Variants in ATP6V1H observed in about 807,000 individuals in gnomAD.
The protein encoded by ATP6V1H is V-type proton ATPase subunit H.
Under a neutral mutation model 71.7 loss-of-function variants are expected in ATP6V1H, and 39 were observed. The observed-to-expected ratio is 0.54, with a 90% CI of 0.42 to 0.71. The LOEUF (loss-of-function observed/expected upper bound fraction) is 0.71, where lower values mean the gene tolerates loss of function less well. ATP6V1H is among the 30% of genes least tolerant of loss of function. The pLI is 0.00. For missense variants in ATP6V1H, 509 were observed against 594.9 expected (o/e 0.86, Z 1.50); for synonymous variants, 192 against 199.3 (o/e 0.96, Z 0.31).
In ATP6V1H at chr8:53,817,449, A is replaced by C; in HGVS notation, c.388T>G (p.Leu130Val). ...ACAGTGAAGGGATCCTGGCGATTCA[A>C]CATTGGCAGAAAGTAGGGCCACGCA... ...NTAWPYFLPM[L>V]NRQDPFTVHM... Residue 130 changes from leucine (L) to valine (V), a missense_variant, in exon 5 of 14, where the codon TTG (leucine) becomes GTG (valine). By Grantham distance (32) the Leu-to-Val change is conservative (BLOSUM62 1). Coordinates refer to ENST00000359530, the MANE Select transcript of ATP6V1H (RefSeq NM_015941.4). 6.2e-7 allele frequency: 1 copy of C among 1,613,510 alleles called. No individual in the cohort carries two copies. The highest frequency in any genetic ancestry group is 1.3e-5 in the African/African-American group (1 of 75,034).
intron 13 of ATP6V1H, among the ~76,000 whole-genome samples, chr8:53,740,425 G>A (rs572370513): frequency 8.5e-5 from 13 of 152,300 alleles, no homozygotes; most frequent in African/African-American, 2.2e-4. Flanking sequence ...GCAAAGTGCC[G>A]CTGCTGCTGC....
chr8:53,723,785 C>T (rs1585716818), intron 13 of ATP6V1H, among the ~76,000 whole-genome samples: 1 of 152,230 alleles, frequency 6.6e-6, no homozygotes, highest in East Asian at 1.9e-4. Flanking sequence ...TTGAGTCCTT[C>T]CCATGGGGTC....
At chr8:53,831,278 T>C (rs1810997262) in intron 3 of ATP6V1H, among the ~76,000 whole-genome samples, 1 of 152,226 alleles carries the variant, frequency 6.6e-6, no homozygotes. Flanking sequence ...ACCTAGGCTA[T>C]ATGGTAGAAC....
intron 13 of ATP6V1H, among the ~76,000 whole-genome samples, chr8:53,718,375 T>C (rs1806497677): frequency 6.8e-6 from 1 of 147,898 alleles, no homozygotes; most frequent in Non-Finnish European, 1.5e-5. Context: ...TAACATCCTC[T>C]CCTACACAAT....
At chr8:53,742,740 G>A (rs528980482) in intron 13 of ATP6V1H, among the ~76,000 whole-genome samples, 1 of 152,316 alleles carries the variant, frequency 6.6e-6, no homozygotes, top group African/African-American at 2.4e-5. Flanking sequence ...GTATGTGCCT[G>A]CATCTTCAAA....
intron 7 of ATP6V1H, among the ~76,000 whole-genome samples, chr8:53,805,904 C>T (rs2130447812): frequency 6.6e-6 from 1 of 152,146 alleles, no homozygotes; most frequent in South Asian, 2.1e-4. Flanking sequence ...CTGTATGATT[C>T]CATTAAATGG....
At chr8:53,810,123 G>T (rs1167635062) in intron 7 of ATP6V1H, among the ~76,000 whole-genome samples, 1 of 152,122 alleles carries the variant, frequency 6.6e-6, no homozygotes, top group Non-Finnish European at 1.5e-5. Context: ...AGCTTCACTT[G>T]GGTCTATTGC....
At chr8:53,742,955 T>G (rs1453684741) in intron 13 of ATP6V1H, among the ~76,000 whole-genome samples, 1 of 152,236 alleles carries the variant, frequency 6.6e-6, no homozygotes, top group African/African-American at 2.4e-5. Context: ...AAAGCAGCTA[T>G]GTCAAGGGGA....
chr8:53,829,397 G>A, intron 4 of ATP6V1H, 47 bp downstream of exon 4: 1 of 1,243,398 alleles, frequency 8.0e-7, no homozygotes, highest in East Asian at 2.3e-5. Flanking sequence ...TGTGAGGTAT[G>A]CAAAAAAATG....
chr8:53,728,083 G>T lies in ATP6V1H; in HGVS notation c.1392-12059C>A, dbSNP rs184501626. On this transcript the variant is annotated intron_variant, in intron 13 of 13. Coordinates refer to ENST00000359530, the MANE Select transcript of ATP6V1H (RefSeq NM_015941.4). ...GTTCCCACCTGGTTTCCTTGCCTTT[G>T]AACTTGCCACGCAGCAGGCAGGGTG... Among the ~76,000 whole-genome samples the T allele has an allele frequency of 2.3e-3, 346 of 152,256 alleles. 2 individuals carry two copies. The highest frequency in any genetic ancestry group is 8.1e-3 in the African/African-American group (335 of 41,546).
chr8:53,728,385 G>GA (rs1431591736), intron 13 of ATP6V1H, among the ~76,000 whole-genome samples: 1 of 151,982 alleles, frequency 6.6e-6, no homozygotes, highest in African/African-American at 2.4e-5. Flanking sequence ...GACTCAGTGT[G>GA]AAAAAAATGG....
chr8:53,775,380 G>A (rs1808835842), intron 9 of ATP6V1H, among the ~76,000 whole-genome samples: 1 of 152,340 alleles, frequency 6.6e-6, no homozygotes, highest in East Asian at 1.9e-4. Context: ...TGCCAATGCT[G>A]GCTCGGGCAG....
At chr8:53,756,237 AT>A (rs1022969848) in intron 12 of ATP6V1H, 3 of 143,522 alleles carry the variant, frequency 2.1e-5, no homozygotes, top group African/African-American at 9.1e-5. Flanking sequence ...TGCCCAGTTA[AT>A]TTTTTTCTTT....
In ATP6V1H at chr8:53,766,130, G is replaced by A. The variant is rs899362890; in HGVS notation, c.1175+3488C>T. Among the ~76,000 whole-genome samples the A allele has an allele frequency of 7.9e-5, 12 of 152,332 alleles. No homozygotes were observed. The East Asian group carries it at 1.2e-3, about 15-fold the overall frequency. On this transcript the variant is annotated intron_variant, in intron 11 of 13. Coordinates refer to ENST00000359530, the MANE Select transcript of ATP6V1H (RefSeq NM_015941.4). ...CAATACAAAGAGTGAATCCTGTTGC[G>A]GGAAGTCAGGGACCCCAAACGGAGG... is the stretch of plus-strand genomic sequence containing the variant.
chr8:53,815,497 G>A (rs1185342649), intron 5 of ATP6V1H, among the ~76,000 whole-genome samples: 1 of 152,164 alleles, frequency 6.6e-6, no homozygotes, highest in Non-Finnish European at 1.5e-5. Flanking sequence ...TGTGCTGGTA[G>A]ACTCATGTTT....
chr8:53,764,242 G>C (rs1808372035), intron 11 of ATP6V1H, among the ~76,000 whole-genome samples: 1 of 152,068 alleles, frequency 6.6e-6, no homozygotes, highest in Admixed American at 6.6e-5. Flanking sequence ...AATTTACAGA[G>C]CACTATCTCT....
At chr8:53,806,113 G>C (rs1480349015) in intron 7 of ATP6V1H, among the ~76,000 whole-genome samples, 1 of 152,064 alleles carries the variant, frequency 6.6e-6, no homozygotes, top group Admixed American at 6.5e-5. Flanking sequence ...AGTAAAAGAG[G>C]AATAGAGAGG....
intron 9 of ATP6V1H, 90 bp downstream of exon 9, chr8:53,795,557 C>G (rs1335180808): frequency 2.7e-6 from 3 of 1,123,862 alleles, no homozygotes; most frequent in Admixed American, 2.3e-5. Flanking sequence ...ACAAGAAGAA[C>G]AAGTAATTTT....
chr8:53,822,994 C>G (rs6473892), intron 4 of ATP6V1H, among the ~76,000 whole-genome samples: 7,464 of 151,572 alleles, frequency 0.049, 548 homozygotes, highest in African/African-American at 0.16. Flanking sequence ...GTGAAAAGTA[C>G]AAAAGATATT....
Sources: allele counts gnomAD v4.1 joint callset (sites outside exome capture counted in the v4.1 genomes callset), GRCh38; gene constraint gnomAD v4.1.1; transcripts MANE v1.5; gene names NCBI Gene and HGNC (gene_info 2026-07-23, HGNC 2026-07-21).